DAAM1: variants seen among roughly 807,000 people sequenced by gnomAD.
DAAM1 encodes dishevelled associated activator of morphogenesis 1.
In DAAM1, 52 loss-of-function variants were observed where a neutral mutation model predicts 130.0. The observed-to-expected ratio is 0.40, with a 90% confidence interval of 0.32 to 0.50. The LOEUF (loss-of-function observed/expected upper bound fraction) is 0.50. Ranked by LOEUF, DAAM1 falls within the 20% of genes least tolerant of loss-of-function variation. DAAM1 has a pLI of 0.61. For synonymous variants in DAAM1, 452 were observed against 444.5 expected (o/e 1.02, Z -0.21); for missense variants, 1,134 against 1,303.8 (o/e 0.87, Z 2.01).
At chr14:59,343,308 G>A (rs1294262025) in intron 16 of DAAM1, among the ~76,000 whole-genome samples, 1 of 152,238 alleles carries the variant, frequency 6.6e-6, no homozygotes, top group Non-Finnish European at 1.5e-5. Flanking sequence ...GCAGCCATCA[G>A]ATAAGGGCCT....
chr14:59,368,978 AATGTGTGAACGTGTGTATGTAAATGT>A lies in DAAM1; in HGVS notation c.*127_*152del. 3 of 824,862 alleles carry A rather than the reference AATGTGTGAACGTGTGTATGTAAATGT, an allele frequency of 3.6e-6. No homozygotes were observed. The South Asian group carries it at 5.4e-5, about 15-fold the overall frequency. 51.1% of individuals were successfully genotyped at this position (824,862 alleles called of 1,614,324 possible). ...CAATTTTTTCCTTCATCTGTGAGTG[AATGTGTGAACGTGTGTATGTAAATGT>A]ATGTGTGTATATATTAAAAAATGTA... On this transcript the variant is annotated 3_prime_UTR_variant, in exon 25 of 25. Coordinates refer to ENST00000360909, the MANE Select transcript of DAAM1 (RefSeq NM_001270520.2).
At chr14:59,275,099 C>G (rs890377815) in intron 2 of DAAM1, among the ~76,000 whole-genome samples, 2 of 152,140 alleles carry the variant, frequency 1.3e-5, no homozygotes, top group East Asian at 3.9e-4. Context: ...CTGGTGCTAT[C>G]GAAGGAGGTG....
intron 16 of DAAM1, among the ~76,000 whole-genome samples, chr14:59,345,114 T>C (rs1041515536): frequency 5.3e-5 from 8 of 152,210 alleles, no homozygotes; most frequent in Non-Finnish European, 1.2e-4. Flanking sequence ...CAAGGGCCTC[T>C]AGTGTCCTGG....
chr14:59,338,889 C>T (rs569658823), intron 15 of DAAM1, among the ~76,000 whole-genome samples: 1 of 152,130 alleles, frequency 6.6e-6, no homozygotes, highest in African/African-American at 2.4e-5. Context: ...AATTTAGATG[C>T]TTGATATGCT....
chr14:59,311,835 T>G (rs1029682340), intron 3 of DAAM1, among the ~76,000 whole-genome samples: 2 of 152,140 alleles, frequency 1.3e-5, no homozygotes, highest in Non-Finnish European at 2.9e-5. Context: ...GCTACAGGCA[T>G]GTGTCAACAA....
intron 1 of DAAM1, among the ~76,000 whole-genome samples, chr14:59,228,657 A>G (rs969781984): frequency 6.6e-6 from 1 of 152,090 alleles, no homozygotes; most frequent in Non-Finnish European, 1.5e-5. Flanking sequence ...AGAGAGTCGT[A>G]TTTGTGTGTT....
intron 1 of DAAM1, among the ~76,000 whole-genome samples, chr14:59,252,846 A>G (rs530133689): frequency 4.6e-5 from 7 of 152,338 alleles, no homozygotes; most frequent in Admixed American, 1.3e-4. Context: ...TAACCTTTAG[A>G]CTATGCCTGT....
At chr14:59,267,390 A>T (rs1464708280) in intron 2 of DAAM1, among the ~76,000 whole-genome samples, 1 of 152,156 alleles carries the variant, frequency 6.6e-6, no homozygotes, top group East Asian at 1.9e-4. Context: ...AGCATGGAGC[A>T]CCTTGTTCTC....
At chr14:59,227,685 T>C (rs1684513398) in intron 1 of DAAM1, among the ~76,000 whole-genome samples, 1 of 152,168 alleles carries the variant, frequency 6.6e-6, no homozygotes, top group Non-Finnish European at 1.5e-5. Context: ...CTCCAGAACA[T>C]GATTAGGAGA....
chr14:59,322,463 A>G (rs1429337735), intron 5 of DAAM1, among the ~76,000 whole-genome samples: 1 of 151,622 alleles, frequency 6.6e-6, no homozygotes, highest in African/African-American at 2.4e-5. Context: ...TCAAGGCTGC[A>G]GTGAGCTATG....
intron 1 of DAAM1, among the ~76,000 whole-genome samples, chr14:59,198,746 A>T (rs867745771): frequency 6.6e-6 from 1 of 152,188 alleles, no homozygotes; most frequent in Non-Finnish European, 1.5e-5. Context: ...GTGTTTAATC[A>T]CACATGTTTG....
rs868760096 is a variant in DAAM1, at chr14:59,267,896, C to T, written c.183+4236C>T. Among the ~76,000 whole-genome samples, 36 of 100,318 alleles carry T rather than the reference C, an allele frequency of 3.6e-4. 1 individual carries two copies. The highest frequency in any genetic ancestry group is 6.3e-3 in the Middle Eastern group (1 of 160). 65.8% of individuals were successfully genotyped at this position (100,318 alleles called of 152,430 possible). ...AATATTCCATTATGTGGATATACGCCCCCCCCTTTTTTTTTTTTTTTTTTG... is the reference window on the plus strand; with the variant it reads ...AATATTCCATTATGTGGATATACGCTCCCCCCTTTTTTTTTTTTTTTTTTG... On this transcript the variant is annotated intron_variant, in intron 2 of 24. Coordinates refer to ENST00000360909, the MANE Select transcript of DAAM1 (RefSeq NM_001270520.2).
intron 1 of DAAM1, among the ~76,000 whole-genome samples, chr14:59,198,324 G>A (rs1469904149): frequency 6.6e-6 from 1 of 151,154 alleles, no homozygotes; most frequent in Non-Finnish European, 1.5e-5. Context: ...TCCTGCCTCA[G>A]CCTCCCAAGT....
intron 1 of DAAM1, among the ~76,000 whole-genome samples, chr14:59,256,438 C>T (rs779436292): frequency 6.6e-6 from 1 of 152,126 alleles, no homozygotes; most frequent in African/African-American, 2.4e-5. Context: ...GATTGGATTT[C>T]TTACTCTTTG....
At chr14:59,255,892 C>T (rs938874272) in intron 1 of DAAM1, among the ~76,000 whole-genome samples, 21 of 152,200 alleles carry the variant, frequency 1.4e-4, no homozygotes, top group Admixed American at 3.9e-4. Flanking sequence ...GTCCCCACTG[C>T]ACTTTGCAAG....
chr14:59,253,651 A>G (rs536368706), intron 1 of DAAM1, among the ~76,000 whole-genome samples: 3 of 152,296 alleles, frequency 2.0e-5, no homozygotes, highest in South Asian at 2.1e-4. Context: ...AGAAATAAAA[A>G]TTATACCTCT....
intron 1 of DAAM1, among the ~76,000 whole-genome samples, chr14:59,215,960 G>T (rs1179690109): frequency 6.6e-6 from 1 of 152,118 alleles, no homozygotes; most frequent in Admixed American, 6.6e-5. Context: ...TGCTGAGCGG[G>T]ACCATATGAA....
rs772227901 is a variant in DAAM1 at position 59,330,536 on chromosome 14, G to C, written c.1408G>C (p.Glu470Gln). 4 of 1,612,546 alleles carry C rather than the reference G, an allele frequency of 2.5e-6. No individual in the cohort carries two copies. The highest frequency in any genetic ancestry group is 3.4e-6 in the Non-Finnish European group (4 of 1,179,506). ...NELQQKLEKK[E>Q]RECDAKTQEK... ...GCTACAACAGAAACTGGAAAAGAAA[G>C]AACGAGAATGTGATGCTAAGACTCA... The change falls in exon 13 of 25, where the codon GAA becomes CAA. Residue 470 changes from glutamate (E) to glutamine (Q), a missense_variant. Transcript: ENST00000360909.
intron 10 of DAAM1, 137 bp from the exon 11 acceptor site, chr14:59,326,373 A>C (rs1366182833): frequency 6.9e-6 from 6 of 874,508 alleles, no homozygotes; most frequent in African/African-American, 1.7e-5. Flanking sequence ...AAAATTCCAT[A>C]ACTTTGGGAA....
Sources: gnomAD v4.1 joint callset for allele counts (sites outside exome capture counted in the v4.1 genomes callset) on GRCh38, gnomAD v4.1.1 for gene constraint, MANE v1.5 for transcripts, NCBI Gene and HGNC (gene_info 2026-07-23, HGNC 2026-07-21) for gene names.